The following ABCC4 variants were observed in gnomAD, a reference collection of about 807,000 sequenced individuals.
ABCC4 encodes ATP-binding cassette sub-family C member 4.
In ABCC4, 102 loss-of-function variants were observed where a neutral mutation model predicts 168.5. That is an observed-to-expected ratio of 0.61 (90% confidence interval 0.52 to 0.71). The LOEUF is 0.71. ABCC4 is among the 30% of genes least tolerant of loss of function. The pLI is 0.00. For missense variants in ABCC4, 1,402 were observed against 1,605.8 expected, an observed-to-expected ratio of 0.87 and a Z score of 2.17; for synonymous variants, 617 against 590.7, an observed-to-expected ratio of 1.04 and a Z score of -0.65.
intron 19 of ABCC4, among the ~76,000 whole-genome samples, chr13:95,144,200 G>GTAC (rs2036411289): frequency 6.6e-6 from 1 of 151,868 alleles, no homozygotes; most frequent in Admixed American, 6.6e-5. Context: ...TGGAAAGGAA[G>GTAC]TACTATATTA....
At position 95,151,431 on chromosome 13, in the gene ABCC4, C is replaced by T. The variant is rs576131957; in HGVS notation, c.2455+9758G>A. Reference sequence around the variant, plus strand: ...CGGAGGTTGCAATGAGCTGAGATCACACCACTGCACTCCAGCCTAGGCAAC... The same window carrying T: ...CGGAGGTTGCAATGAGCTGAGATCATACCACTGCACTCCAGCCTAGGCAAC... On this transcript the variant is annotated intron_variant, in intron 19 of 30. Transcript: ENST00000645237. 5.5e-5 allele frequency among the ~76,000 whole-genome samples: 8 copies of T among 146,324 alleles called. No individual in the cohort carries two copies. The East Asian group carries it at 1.6e-3, about 29-fold the overall frequency.
intron 1 of ABCC4, among the ~76,000 whole-genome samples, chr13:95,293,318 A>C (rs1373513449): frequency 6.6e-6 from 1 of 151,744 alleles, no homozygotes; most frequent in Non-Finnish European, 1.5e-5. Context: ...AGATCATGCC[A>C]CTGCACTCCA....
chr13:95,179,321 A>C (rs994942418), intron 11 of ABCC4, among the ~76,000 whole-genome samples: 1 of 152,186 alleles, frequency 6.6e-6, no homozygotes, highest in Non-Finnish European at 1.5e-5. Context: ...GAGCAGAAAG[A>C]GCAGCCCAGT....
At chr13:95,120,528 C>T (rs1258119724) in intron 19 of ABCC4, among the ~76,000 whole-genome samples, 1 of 140,918 alleles carries the variant, frequency 7.1e-6, no homozygotes, top group Non-Finnish European at 1.5e-5. Flanking sequence ...ATGATGGATG[C>T]TACTGCACTC....
Position 95,054,162 on chromosome 13 carries a change from G to A in ABCC4, c.3367-978C>T, listed in dbSNP as rs542992936. Among the ~76,000 whole-genome samples, 5 of 150,464 alleles carry A rather than the reference G, an allele frequency of 3.3e-5. No homozygotes were observed. The East Asian group carries it at 9.9e-4, about 30-fold the overall frequency. On this transcript the variant is annotated intron_variant, in intron 26 of 30. Transcript: ENST00000645237. ...AGTGAATCCCCACATTATCTCATCTGTGCATCAAGGTTACCTGGGTCACAG... is the reference window on the plus strand; with the variant it reads ...AGTGAATCCCCACATTATCTCATCTATGCATCAAGGTTACCTGGGTCACAG...
chr13:95,296,320 C>T (rs1180743632), intron 1 of ABCC4, among the ~76,000 whole-genome samples: 4 of 126,364 alleles, frequency 3.2e-5, no homozygotes, highest in Admixed American at 8.1e-5. Flanking sequence ...CTCATCTCTA[C>T]AAGAAAAATA....
At chr13:95,159,724 A>C (rs1349068416) in intron 19 of ABCC4, among the ~76,000 whole-genome samples, 1 of 152,240 alleles carries the variant, frequency 6.6e-6, no homozygotes, top group Non-Finnish European at 1.5e-5. Context: ...AATCAGACCG[A>C]TATTTGTGTG....
At position 95,066,296 on chromosome 13, in the gene ABCC4, C is replaced by G. The variant is rs537251731; in HGVS notation, c.3211-3437G>C. ...TCCACTTGTCCCCTCGTGTGGATTT[C>G]TCCCACACTTAATGGCTGTCGTAAC... On this transcript the variant is annotated intron_variant, in intron 25 of 30. Coordinates refer to ENST00000645237, the MANE Select transcript of ABCC4 (RefSeq NM_005845.5). Among the ~76,000 whole-genome samples, 3 of 152,358 alleles carry G rather than the reference C, an allele frequency of 2.0e-5. No individual in the cohort carries two copies. The East Asian group carries it at 5.8e-4, about 29-fold the overall frequency.
intron 1 of ABCC4, among the ~76,000 whole-genome samples, chr13:95,254,744 C>T (rs1473057640): frequency 1.3e-5 from 2 of 152,180 alleles, no homozygotes; most frequent in African/African-American, 4.8e-5. Context: ...CACCCTCTGC[C>T]CCTGCCCAAG....
intron 6 of ABCC4, among the ~76,000 whole-genome samples, chr13:95,208,818 TC>T (rs2038864536): frequency 6.6e-6 from 1 of 151,922 alleles, no homozygotes; most frequent in Non-Finnish European, 1.5e-5. Flanking sequence ...CGGAGTTTTG[TC>T]ATGTTGGCCA....
chr13:95,114,178 G>A (rs370570937), intron 20 of ABCC4, among the ~76,000 whole-genome samples: 1 of 152,070 alleles, frequency 6.6e-6, no homozygotes, highest in Non-Finnish European at 1.5e-5. Flanking sequence ...AATAACAAAC[G>A]CCCTTGTCTC....
chr13:95,093,682 G>A (rs1377968292), intron 20 of ABCC4, among the ~76,000 whole-genome samples: 1 of 152,114 alleles, frequency 6.6e-6, no homozygotes, highest in Non-Finnish European at 1.5e-5. Context: ...AGTACTGGAA[G>A]TCCTGGCCAG....
chr13:95,131,093 G>A (rs892587763), intron 19 of ABCC4, among the ~76,000 whole-genome samples: 1 of 152,142 alleles, frequency 6.6e-6, no homozygotes, highest in Non-Finnish European at 1.5e-5. Context: ...CAAAACTCAG[G>A]TGGGGTGCGT....
intron 1 of ABCC4, among the ~76,000 whole-genome samples, chr13:95,268,668 G>C (rs1186305313): frequency 6.6e-6 from 1 of 152,172 alleles, no homozygotes; most frequent in Non-Finnish European, 1.5e-5. Flanking sequence ...GTTTATGTAT[G>C]TGCACATCAA....
At chr13:95,286,541 A>T (rs1468528001) in intron 1 of ABCC4, among the ~76,000 whole-genome samples, 1 of 151,658 alleles carries the variant, frequency 6.6e-6, no homozygotes, top group Non-Finnish European at 1.5e-5. Context: ...TTTTTTTAAT[A>T]GATCTTCATT....
At chr13:95,065,661 G>A (rs993826249) in intron 25 of ABCC4, among the ~76,000 whole-genome samples, 4 of 152,046 alleles carry the variant, frequency 2.6e-5, no homozygotes, top group African/African-American at 7.2e-5. Context: ...ATCTTAATTG[G>A]TTTCTTAAAA....
rs142578933 is a variant in ABCC4, at chr13:95,159,659, A to T, written c.2455+1530T>A. Among the ~76,000 whole-genome samples, 3 of 152,366 alleles carry T rather than the reference A, an allele frequency of 2.0e-5. No individual in the cohort carries two copies. In the East Asian group the frequency reaches 5.8e-4, roughly 29 times the overall value. On this transcript the variant is annotated intron_variant, in intron 19 of 30. Transcript: ENST00000645237. ...TCAAATTAACTGGCAAAGTGGCGCA[A>T]CGTTACAGCTGTAATAGCGCAGAGG...
chr13:95,272,212 T>C (rs527680362), intron 1 of ABCC4, among the ~76,000 whole-genome samples: 1 of 152,210 alleles, frequency 6.6e-6, no homozygotes, highest in South Asian at 2.1e-4. Flanking sequence ...ACCCGGCTAA[T>C]TTTTTGTATT....
At chr13:95,285,669 G>A (rs1033653151) in intron 1 of ABCC4, among the ~76,000 whole-genome samples, 2 of 152,170 alleles carry the variant, frequency 1.3e-5, no homozygotes, top group Non-Finnish European at 2.9e-5. Flanking sequence ...TCTAGCCAGG[G>A]TATATAACAT....
Sources: gnomAD v4.1 joint callset for allele counts (sites outside exome capture counted in the v4.1 genomes callset) on GRCh38, gnomAD v4.1.1 for gene constraint, MANE v1.5 for transcripts, NCBI Gene and HGNC (gene_info 2026-07-23, HGNC 2026-07-21) for gene names.